Variants in AMELX observed in about 807,000 individuals in gnomAD.
AMELX encodes the protein amelogenin, X isoform.
AMELX carries 9 observed loss-of-function variants against 15.8 expected under a neutral mutation model. That is an observed-to-expected ratio of 0.57 (90% CI 0.34 to 0.99). The LOEUF (loss-of-function observed/expected upper bound fraction) is 0.99, where lower values mean the gene tolerates loss of function less well. Among genes scored for constraint, AMELX ranks in the 50% least tolerant of loss-of-function variants. The pLI is 0.02. For missense variants in AMELX, 107 were observed against 156.2 expected, an observed-to-expected ratio of 0.68 and a Z score of 1.68; for synonymous variants, 61 against 58.8, an observed-to-expected ratio of 1.04 and a Z score of -0.17.
At chrX:11,295,804 G>C (rs1041870714) in intron 2 of AMELX, among the ~76,000 whole-genome samples, 1 of 112,125 alleles carries the variant, frequency 8.9e-6, no homozygotes, top group South Asian at 3.7e-4. Context: ...ATCCAGATGA[G>C]AGAGAATAAA....
rs139757230 is a variant in AMELX at position 11,298,942 on chromosome X, C to A, written c.539C>A (p.Pro180Gln). 153 of 1,208,707 alleles carry A rather than the reference C, an allele frequency of 1.3e-4. No homozygotes were observed. The highest frequency in any genetic ancestry group is 1.7e-4 in the Non-Finnish European group (148 of 894,914). The change falls in exon 5 of 6, where the codon CCA becomes CAA. Residue 180 changes from proline (P) to glutamine (Q), a missense_variant. Coordinates refer to ENST00000380714, the MANE Select transcript of AMELX (RefSeq NM_001142.2). ...CCTGATCTGACTCTGGAAGCTTGGC[C>A]ATCAACAGACAAGACCAAGCGGGAG... is the stretch of plus-strand genomic sequence containing the variant. ...MLPDLTLEAW[P>Q]STDKTKREEV...
At chrX:11,295,830 T>A (rs958165567) in intron 2 of AMELX, among the ~76,000 whole-genome samples, 5 of 111,648 alleles carry the variant, frequency 4.5e-5, no homozygotes, top group South Asian at 3.8e-4. Context: ...CCATGAAATG[T>A]GAGCATTTTT....
At chrX:11,306,704 C>T in the AMELX span, among the ~76,000 whole-genome samples, 1 of 112,337 alleles carries the variant, frequency 8.9e-6, no homozygotes, top group Admixed American at 9.4e-5. Context: ...CTCTAGGATT[C>T]TAATTAAACA....
the AMELX span, among the ~76,000 whole-genome samples, chrX:11,307,166 C>T: frequency 9.0e-6 from 1 of 111,000 alleles, no homozygotes; most frequent in South Asian, 4.0e-4. Context: ...TTAGGAGACC[C>T]AGGCCTTGGC....
Position 11,294,836 on chromosome X carries a change from C to T in AMELX, c.48C>T (p.Ala16=). The change falls in exon 2 of 6, where the codon GCC becomes GCT. Residue 16 remains alanine (A), a synonymous_variant. Coordinates refer to ENST00000380714, the MANE Select transcript of AMELX (RefSeq NM_001142.2). ...LFACLLGAAF[A]MPLPPHPGHP... is the part of the protein sequence containing the mutation. ...CCTGCCTCCTGGGAGCAGCTTTTGC[C>T]ATGCCTGTGAGTAAAACACCCCTTG... 2 of 1,211,390 alleles carry T rather than the reference C, an allele frequency of 1.7e-6. No homozygotes were observed. The highest frequency in any genetic ancestry group is 2.2e-6 in the Non-Finnish European group (2 of 895,187).
chrX:11,302,577 T>G (rs185664494), downstream of AMELX, among the ~76,000 whole-genome samples: 4 of 111,657 alleles, frequency 3.6e-5, no homozygotes, highest in African/African-American at 1.3e-4. Context: ...TGGTTCAAAC[T>G]AATAGTGCAA....
the AMELX span, among the ~76,000 whole-genome samples, chrX:11,307,813 G>A: frequency 1.3e-4 from 15 of 111,478 alleles, no homozygotes; most frequent in Admixed American, 5.7e-4. Context: ...AAATGTTCCC[G>A]ATAAACAGTA....
intron 5 of AMELX, 137 bp downstream of exon 5, chrX:11,299,110 A>G: frequency 1.2e-5 from 10 of 816,781 alleles, no homozygotes; most frequent in Non-Finnish European, 1.8e-5. Flanking sequence ...TATTAGTCCA[A>G]GCAATATGCT....
chrX:11,300,354 C>T (rs1418429922), intron 5 of AMELX, among the ~76,000 whole-genome samples: 1 of 111,043 alleles, frequency 9.0e-6, no homozygotes, highest in African/African-American at 3.3e-5. Flanking sequence ...CAAGACGTAC[C>T]CCCCAAAAAG....
At chrX:11,306,260 T>C in the AMELX span, among the ~76,000 whole-genome samples, 2 of 112,377 alleles carry the variant, frequency 1.8e-5, no homozygotes, top group Non-Finnish European at 3.8e-5. Flanking sequence ...GTGCACAGGC[T>C]CAGAGGTTTC....
downstream of AMELX, among the ~76,000 whole-genome samples, chrX:11,301,534 T>C (rs895928924): frequency 1.8e-5 from 2 of 112,282 alleles, no homozygotes; most frequent in Non-Finnish European, 3.8e-5. Context: ...AGTACCTTTA[T>C]GATTAAGGCC....
chrX:11,306,068 T>TCA, the AMELX span, among the ~76,000 whole-genome samples: 1 of 111,282 alleles, frequency 9.0e-6, no homozygotes, highest in African/African-American at 3.3e-5. Context: ...TCAGTGACCC[T>TCA]CACCTCAATG....
intron 3 of AMELX, chrX:11,297,991 C>A: frequency 1.3e-6 from 1 of 770,105 alleles, no homozygotes; most frequent in Non-Finnish European, 2.0e-6. Flanking sequence ...AGTAATAATA[C>A]TTGCCTCCTA....
At chrX:11,294,927 G>T (rs1192558734) in intron 2 of AMELX, 85 bp downstream of exon 2, 22 of 985,588 alleles carry the variant, frequency 2.2e-5, no homozygotes, top group Non-Finnish European at 2.9e-5. Context: ...TGAAATTAGG[G>T]TTTAAAACAG....
chrX:11,294,639 C>T, intron 1 of AMELX, 138 bp from the exon 2 acceptor site: 1 of 669,789 alleles, frequency 1.5e-6, no homozygotes, highest in South Asian at 2.3e-5. Flanking sequence ...TCACATATGA[C>T]TGAAGTAAAT....
the AMELX span, among the ~76,000 whole-genome samples, chrX:11,307,071 C>T: frequency 9.0e-6 from 1 of 110,881 alleles, no homozygotes; most frequent in African/African-American, 3.3e-5. Context: ...GGATGGAAAA[C>T]AAAGAAACGC....
intron 5 of AMELX, 59 bp downstream of exon 5, chrX:11,299,032 G>A (rs930038389): frequency 8.7e-7 from 1 of 1,154,022 alleles, no homozygotes; most frequent in Non-Finnish European, 1.2e-6. Flanking sequence ...CAGCAAAATA[G>A]GCCCCAGAGT....
intron 5 of AMELX, among the ~76,000 whole-genome samples, 155 bp from the exon 6 acceptor site, chrX:11,300,452 C>G (rs1219827067): frequency 1.8e-5 from 2 of 111,755 alleles, no homozygotes; most frequent in African/African-American, 6.5e-5. Context: ...TATCTAATGA[C>G]AACGAAATAA....
At chrX:11,304,894 C>T (rs760620064), downstream of AMELX, among the ~76,000 whole-genome samples, 1 of 100,079 alleles carries the variant, frequency 1.0e-5, no homozygotes, top group South Asian at 5.1e-4. Context: ...TCAAGCGATT[C>T]CCCTGCCTCA....
Sources: gnomAD v4.1 joint callset for allele counts (sites outside exome capture counted in the v4.1 genomes callset) on GRCh38, gnomAD v4.1.1 for gene constraint, MANE v1.5 for transcripts, NCBI Gene and HGNC (gene_info 2026-07-23, HGNC 2026-07-21) for gene names.